Variants in IRAG2 observed in about 807,000 individuals in gnomAD.
IRAG2 encodes lymphoid restricted membrane protein.
A neutral mutation model predicts 69.9 loss-of-function variants in IRAG2; 45 were observed. That is an observed-to-expected ratio of 0.64 (90% CI 0.51 to 0.83). IRAG2 has a LOEUF of 0.83. Among genes scored for constraint, IRAG2 ranks in the 40% least tolerant of loss-of-function variants. The probability of loss-of-function intolerance (pLI) is 0.00; values close to 1 mark genes in which losing one functional copy is unlikely to be tolerated. For missense variants in IRAG2, 520 were observed against 587.0 expected, an observed-to-expected ratio of 0.89 and a Z score of 1.18; for synonymous variants, 193 against 202.4, an observed-to-expected ratio of 0.95 and a Z score of 0.40.
At chr12:25,048,224 T>G (rs1197828201), upstream of IRAG2, among the ~76,000 whole-genome samples, 1 of 152,232 alleles carries the variant, frequency 6.6e-6, no homozygotes, top group Non-Finnish European at 1.5e-5. Flanking sequence ...GTTGAGCTTT[T>G]TTTCATGTTT....
intron 1 of IRAG2, among the ~76,000 whole-genome samples, chr12:25,060,984 C>T (rs1945595870): frequency 6.6e-6 from 1 of 151,936 alleles, no homozygotes. Context: ...GTATTCTTAG[C>T]TTAAGATTAG....
At chr12:25,027,679 C>T (rs1034583589) in intron 9 of IRAG2, among the ~76,000 whole-genome samples, 12 of 152,156 alleles carry the variant, frequency 7.9e-5, no homozygotes, top group African/African-American at 2.9e-4. Context: ...CGGGCATGAG[C>T]CACTGCACCC....
chr12:25,002,922 G>A (rs1192058994), upstream of IRAG2, among the ~76,000 whole-genome samples: 1 of 152,158 alleles, frequency 6.6e-6, no homozygotes. Context: ...GATTACAGGC[G>A]TGAGCCACCA....
chr12:25,028,171 C>T (rs1591930289), intron 9 of IRAG2, among the ~76,000 whole-genome samples: 1 of 152,054 alleles, frequency 6.6e-6, no homozygotes, highest in African/African-American at 2.4e-5. Context: ...GTGATCTGCC[C>T]GCCTCAGCCT....
At chr12:25,097,289 T>C (rs983849050) in intron 15 of IRAG2, 1 of 380,710 alleles carries the variant, frequency 2.6e-6, no homozygotes, top group African/African-American at 2.1e-5. Flanking sequence ...TCAAGATGTA[T>C]AGTGTTATAA....
chr12:25,106,122 T>C (rs1592122121), intron 20 of IRAG2, among the ~76,000 whole-genome samples: 4 of 151,944 alleles, frequency 2.6e-5, no homozygotes, highest in Admixed American at 6.6e-5. Flanking sequence ...ATTATTAAGA[T>C]TTTCAGAGAA....
chr12:25,101,455 C>T (rs1948745414), intron 16 of IRAG2, 130 bp downstream of exon 16: 2 of 637,150 alleles, frequency 3.1e-6, no homozygotes, highest in East Asian at 3.2e-5. Flanking sequence ...TAATTCATTC[C>T]TGTTATTTAT....
At chr12:25,026,494 T>C (rs11047767) in intron 8 of IRAG2, among the ~76,000 whole-genome samples, 53,509 of 151,936 alleles carry the variant, frequency 0.35, 10,274 homozygotes, top group Admixed American at 0.49. Context: ...GTCGGATCAA[T>C]GGATTGCGGG....
upstream of IRAG2, among the ~76,000 whole-genome samples, chr12:25,002,441 G>T (rs1944398000): frequency 6.6e-6 from 1 of 152,112 alleles, no homozygotes; most frequent in Non-Finnish European, 1.5e-5. Flanking sequence ...AAGTATTTTT[G>T]AGGAGAAGGC....
intron 9 of IRAG2, 151 bp from the exon 10 acceptor site, chr12:25,083,272 C>T (rs922529424): frequency 4.3e-6 from 3 of 692,014 alleles, no homozygotes; most frequent in African/African-American, 3.6e-5. Context: ...AGTCAATGGG[C>T]ACGTATACAT....
intron 16 of IRAG2, among the ~76,000 whole-genome samples, chr12:25,042,620 C>T (rs1944759513): frequency 1.3e-5 from 2 of 152,062 alleles, no homozygotes; most frequent in Admixed American, 6.6e-5. Context: ...CACGTGCCAC[C>T]ATGCCCAGCT....
chr12:25,004,786 T>G (rs1411507682), exon 1 of IRAG2: 2 of 1,231,990 alleles, frequency 1.6e-6, no homozygotes, highest in Non-Finnish European at 2.0e-6. Flanking sequence ...TAACAAGGAT[T>G]TGAATAACTA....
upstream of IRAG2, among the ~76,000 whole-genome samples, chr12:25,003,759 G>C (rs535423914): frequency 6.6e-6 from 1 of 152,008 alleles, no homozygotes; most frequent in African/African-American, 2.4e-5. Flanking sequence ...ACAGCTGATA[G>C]GGTTTATGTG....
intron 15 of IRAG2, among the ~76,000 whole-genome samples, chr12:25,097,819 T>C (rs147284063): frequency 2.2e-3 from 340 of 152,350 alleles, no homozygotes; most frequent in African/African-American, 7.9e-3. Context: ...TCTATAAGCC[T>C]TACTAATTTC....
intron 12 of IRAG2, chr12:25,033,715 T>C (rs1462761615): frequency 2.6e-6 from 1 of 392,122 alleles, no homozygotes; most frequent in East Asian, 3.6e-5. Flanking sequence ...ACTCTCCCTA[T>C]TCCCAAGCAC....
At chr12:25,103,623 A>G in intron 17 of IRAG2, 1 of 521,460 alleles carries the variant, frequency 1.9e-6, no homozygotes, top group East Asian at 3.1e-5. Context: ...ATTGGCATAA[A>G]TTATAATAAT....
rs185178221 is a variant in IRAG2 at position 25,036,145 on chromosome 12, G to A, written c.1878+358G>A. ...CCTTTCTCCATTTTGACTTTTCACT[G>A]GAAACTCTGGATGATTGGAGAAATC... On this transcript the variant is annotated intron_variant, in intron 14 of 38. Transcript: ENST00000636465. Among the ~76,000 whole-genome samples the A allele has an allele frequency of 3.0e-3, 458 of 152,186 alleles. 13 individuals carry two copies. The highest frequency in any genetic ancestry group is 9.4e-4 in the Non-Finnish European group (64 of 67,996).
intron 9 of IRAG2, among the ~76,000 whole-genome samples, chr12:25,080,207 C>T (rs1050122975): frequency 1.3e-5 from 2 of 151,596 alleles, no homozygotes; most frequent in African/African-American, 4.9e-5. Flanking sequence ...TTTGTTAGGT[C>T]CTTTTCTGCT....
intron 6 of IRAG2, among the ~76,000 whole-genome samples, chr12:25,074,701 T>C (rs748489132): frequency 2.2e-4 from 34 of 152,236 alleles, no homozygotes; most frequent in Non-Finnish European, 3.4e-4. Context: ...CCAGAGTATA[T>C]CTTGAAACAA....
Sources: gnomAD v4.1 joint callset for allele counts (sites outside exome capture counted in the v4.1 genomes callset) on GRCh38, gnomAD v4.1.1 for gene constraint, MANE v1.5 for transcripts, NCBI Gene and HGNC (gene_info 2026-07-23, HGNC 2026-07-21) for gene names.